Variants in IKZF2 observed in about 807,000 individuals in gnomAD.
IKZF2 encodes the protein IKAROS family zinc finger 2, also known as zinc finger protein Helios.
A neutral mutation model predicts 49.2 loss-of-function variants in IKZF2; 15 were observed. The ratio of observed to expected loss-of-function variants is 0.30; its 90% CI spans 0.20 to 0.47. The LOEUF (loss-of-function observed/expected upper bound fraction) is 0.47, where lower values mean the gene tolerates loss of function less well. IKZF2 is among the 20% of genes least tolerant of loss of function. IKZF2 has a pLI of 1.00. For synonymous variants in IKZF2, 227 were observed against 221.4 expected (o/e 1.03, Z -0.23); for missense variants, 567 against 664.6 (o/e 0.85, Z 1.61).
rs149757748 is a variant in IKZF2 at position 213,120,000 on chromosome 2, AT to A, written c.139+27707del. Among the ~76,000 whole-genome samples, 863 of 152,312 alleles carry A rather than the reference AT, an allele frequency of 5.7e-3. 12 individuals carry two copies. The highest frequency in any genetic ancestry group is 0.02 in the African/African-American group (834 of 41,570). ...TGAGCCCAGGTCTCTCCCTCTTTTC[AT>A]TCCCCAGGTAAAGCAGCCAACTCCA... On this transcript the variant is annotated intron_variant, in intron 4 of 8. Coordinates refer to ENST00000434687, the MANE Select transcript of IKZF2 (RefSeq NM_001387220.1).
At chr2:213,037,369 GACT>G (rs1181930917) in intron 6 of IKZF2, among the ~76,000 whole-genome samples, 1 of 152,154 alleles carries the variant, frequency 6.6e-6, no homozygotes, top group Non-Finnish European at 1.5e-5. Flanking sequence ...AAAGAAGCAT[GACT>G]ACTACAATTC....
Position 213,147,772 on chromosome 2 carries a change from C to G in IKZF2, c.75G>C (p.Met25Ile). 6.2e-7 allele frequency: 1 copy of G among 1,613,940 alleles called. No homozygotes were observed. Among genetic ancestry groups the G allele is most frequent in the East Asian group, 2.2e-5 (1 of 44,884 alleles). ...GTGTGCTTGAGGTGAGGTCAATTGC[C>G]ATATTGGAGTGCTCCCTTTCGGGTG... ...ELSPEREHSN[M>I]AIDLTSSTPN... Residue 25 changes from methionine to isoleucine, a missense_variant, in exon 4 of 9, where the codon ATG (methionine) becomes ATC (isoleucine). This residue lies in a region of IKZF2 where 156 missense variants were observed against 138.5 expected (regional missense o/e 1.13). Coordinates refer to ENST00000434687, the MANE Select transcript of IKZF2 (RefSeq NM_001387220.1).
At chr2:213,047,478 T>C (rs1034624895) in intron 6 of IKZF2, among the ~76,000 whole-genome samples, 1 of 152,134 alleles carries the variant, frequency 6.6e-6, no homozygotes, top group Non-Finnish European at 1.5e-5. Context: ...GTGGCCACTC[T>C]AATAACATCA....
intron 6 of IKZF2, among the ~76,000 whole-genome samples, chr2:213,030,042 T>A (rs768902118): frequency 6.6e-6 from 1 of 152,174 alleles, no homozygotes; most frequent in African/African-American, 2.4e-5. Flanking sequence ...TTACTGCTTT[T>A]GTCTTTCTGA....
At chr2:213,085,741 C>G (rs1489848679) in intron 4 of IKZF2, among the ~76,000 whole-genome samples, 1 of 152,202 alleles carries the variant, frequency 6.6e-6, no homozygotes, top group Non-Finnish European at 1.5e-5. Context: ...CCAGACAATG[C>G]ATGCACTCTA....
At chr2:213,102,223 T>C (rs765504178) in intron 4 of IKZF2, among the ~76,000 whole-genome samples, 10 of 152,140 alleles carry the variant, frequency 6.6e-5, no homozygotes, top group African/African-American at 1.4e-4. Context: ...CCCAGAAATA[T>C]TGACTACTTT....
At chr2:213,075,055 T>C (rs1167983484) in intron 4 of IKZF2, among the ~76,000 whole-genome samples, 12 of 152,168 alleles carry the variant, frequency 7.9e-5, no homozygotes, top group Non-Finnish European at 2.9e-5. Context: ...ACTATACAGA[T>C]ACTGAGACAG....
At chr2:213,068,808 C>T (rs1276686188) in intron 4 of IKZF2, among the ~76,000 whole-genome samples, 2 of 151,582 alleles carry the variant, frequency 1.3e-5, no homozygotes, top group East Asian at 3.9e-4. Flanking sequence ...CTTTATTAAG[C>T]AATAAATGTT....
chr2:213,044,885 G>C (rs1700006454), intron 6 of IKZF2, among the ~76,000 whole-genome samples: 3 of 152,038 alleles, frequency 2.0e-5, no homozygotes, highest in South Asian at 4.1e-4. Context: ...TTTGGTAGTG[G>C]GGCAATGATG....
intron 7 of IKZF2, chr2:213,014,272 A>G (rs1220652527): frequency 6.1e-6 from 1 of 164,226 alleles, no homozygotes; most frequent in African/African-American, 2.4e-5. Context: ...AGACTGCACT[A>G]TTTTCAAGGC....
intron 5 of IKZF2, 159 bp downstream of exon 5, chr2:213,056,673 AG>A: frequency 1.2e-6 from 1 of 857,516 alleles, no homozygotes; most frequent in East Asian, 2.6e-5. Flanking sequence ...GTCAAGACCC[AG>A]GCTACTCTCT....
intron 4 of IKZF2, among the ~76,000 whole-genome samples, chr2:213,130,906 G>A (rs966028088): frequency 6.6e-6 from 1 of 152,100 alleles, no homozygotes; most frequent in African/African-American, 2.4e-5. Flanking sequence ...AAGATGATCT[G>A]TTACAATGTA....
chr2:213,050,430 G>A (rs1156458718), intron 5 of IKZF2, among the ~76,000 whole-genome samples: 5 of 152,238 alleles, frequency 3.3e-5, no homozygotes, highest in Admixed American at 3.3e-4. Flanking sequence ...AGCTGAAAGA[G>A]ACCTTCAGTC....
rs536188190 is a variant in IKZF2 at position 213,025,409 on chromosome 2, G to C, written c.575-3279C>G. On this transcript the variant is annotated intron_variant, in intron 6 of 8. Coordinates refer to ENST00000434687, the MANE Select transcript of IKZF2 (RefSeq NM_001387220.1). Reference sequence around the variant, plus strand: ...TGAATCCCTTCCCTACAACCAAAACGAAGAGCATCAGGACATAGCTGTCTC... The same window carrying C: ...TGAATCCCTTCCCTACAACCAAAACCAAGAGCATCAGGACATAGCTGTCTC... Among the ~76,000 whole-genome samples the C allele has an allele frequency of 1.6e-3, 239 of 152,108 alleles. 1 individual carries two copies. Among genetic ancestry groups the C allele is most frequent in the Non-Finnish European group, 2.8e-3 (188 of 67,970 alleles).
At chr2:213,061,967 C>T (rs1701739943) in intron 4 of IKZF2, among the ~76,000 whole-genome samples, 1 of 151,494 alleles carries the variant, frequency 6.6e-6, no homozygotes, top group Admixed American at 6.6e-5. Flanking sequence ...TATAACTTCA[C>T]AAAGTCACCC....
chr2:213,022,753 A>T (rs1697366089), intron 6 of IKZF2, among the ~76,000 whole-genome samples: 1 of 152,142 alleles, frequency 6.6e-6, no homozygotes, highest in East Asian at 1.9e-4. Context: ...CTTTTATAAT[A>T]CCAAGAATTA....
At chr2:213,026,341 C>G (rs928666598) in intron 6 of IKZF2, among the ~76,000 whole-genome samples, 2 of 152,146 alleles carry the variant, frequency 1.3e-5, no homozygotes, top group African/African-American at 2.4e-5. Flanking sequence ...ACACTTCCAA[C>G]ACTCTATCAT....
intron 5 of IKZF2, 143 bp from the exon 6 acceptor site, chr2:213,050,023 A>T (rs1700532154): frequency 3.8e-6 from 2 of 521,412 alleles, no homozygotes; most frequent in South Asian, 1.3e-4. Context: ...ATCTGCCCAG[A>T]ATTTGCTTTG....
intron 4 of IKZF2, among the ~76,000 whole-genome samples, chr2:213,068,299 G>C (rs891132780): frequency 6.6e-6 from 1 of 151,872 alleles, no homozygotes; most frequent in Non-Finnish European, 1.5e-5. Context: ...ATACAAACTG[G>C]GTTTTATTTC....
Sources: allele counts gnomAD v4.1 joint callset (sites outside exome capture counted in the v4.1 genomes callset), GRCh38; gene constraint gnomAD v4.1.1; regional missense constraint gnomAD v4.1.1; transcripts MANE v1.5; gene names NCBI Gene and HGNC (gene_info 2026-07-23, HGNC 2026-07-21).